Variants in GPC6 observed in about 807,000 individuals in gnomAD.
The protein encoded by GPC6 is glypican 6.
A neutral mutation model predicts 55.2 loss-of-function variants in GPC6; 14 were observed. That is an observed-to-expected ratio of 0.25 (90% CI 0.17 to 0.40). The LOEUF (loss-of-function observed/expected upper bound fraction) is 0.40. Among genes scored for constraint, GPC6 ranks in the 10% least tolerant of loss-of-function variants. The pLI is 1.00. For synonymous variants in GPC6, 278 were observed against 259.6 expected (o/e 1.07, Z -0.68); for missense variants, 641 against 708.5 (o/e 0.90, Z 1.08).
intron 4 of GPC6, among the ~76,000 whole-genome samples, chr13:94,104,822 C>T (rs941884543): frequency 3.9e-5 from 6 of 152,094 alleles, no homozygotes; most frequent in African/African-American, 1.4e-4. Flanking sequence ...AAAGAGGACA[C>T]AAACAAATGG....
At chr13:93,587,140 A>G (rs974126834) in intron 2 of GPC6, among the ~76,000 whole-genome samples, 21 of 152,136 alleles carry the variant, frequency 1.4e-4, no homozygotes, top group African/African-American at 5.1e-4. Flanking sequence ...GCAAGTCACT[A>G]TCCTCTCTGG....
intron 2 of GPC6, among the ~76,000 whole-genome samples, chr13:93,637,495 C>A (rs1381330834): frequency 3.3e-5 from 5 of 152,066 alleles, no homozygotes; most frequent in African/African-American, 1.2e-4. Flanking sequence ...CTTTTCTTTT[C>A]TTTTATACTT....
intron 4 of GPC6, among the ~76,000 whole-genome samples, chr13:94,142,427 AC>A (rs1887412822): frequency 6.6e-6 from 1 of 152,160 alleles, no homozygotes; most frequent in African/African-American, 2.4e-5. Flanking sequence ...GTTCTAGTAA[AC>A]CTTTTGGAGG....
chr13:94,232,908 C>T (rs568610310), intron 4 of GPC6, among the ~76,000 whole-genome samples: 1 of 150,242 alleles, frequency 6.7e-6, no homozygotes, highest in Non-Finnish European at 1.5e-5. Context: ...GAATGTGTAA[C>T]CAGGTAATGT....
chr13:93,866,636 C>T (rs1594538166), intron 3 of GPC6, among the ~76,000 whole-genome samples: 1 of 151,712 alleles, frequency 6.6e-6, no homozygotes, highest in African/African-American at 2.4e-5. Flanking sequence ...CCAAATAGTG[C>T]ATGTTCTCAC....
chr13:93,815,856 A>G (rs540944161), intron 2 of GPC6, among the ~76,000 whole-genome samples: 2 of 152,172 alleles, frequency 1.3e-5, no homozygotes, highest in East Asian at 3.9e-4. Context: ...TTTCCTGTTG[A>G]TAGATTTAAA....
intron 4 of GPC6, among the ~76,000 whole-genome samples, chr13:94,100,226 A>G (rs565472346): frequency 1.3e-5 from 2 of 152,342 alleles, no homozygotes; most frequent in East Asian, 3.9e-4. Flanking sequence ...ACATAAATGA[A>G]GAAGAAAGCT....
intron 4 of GPC6, among the ~76,000 whole-genome samples, chr13:94,103,519 C>T (rs1285643889): frequency 2.0e-5 from 3 of 152,154 alleles, no homozygotes; most frequent in Non-Finnish European, 4.4e-5. Flanking sequence ...TAAAAGTGTT[C>T]CTATTTCTCC....
At chr13:94,047,809 T>A (rs1883784284) in intron 4 of GPC6, among the ~76,000 whole-genome samples, 2 of 152,128 alleles carry the variant, frequency 1.3e-5, no homozygotes, top group Admixed American at 1.3e-4. Context: ...CATTTCTTCA[T>A]TGAATTCTCA....
intron 2 of GPC6, among the ~76,000 whole-genome samples, chr13:93,678,168 A>C (rs567907939): frequency 6.6e-6 from 1 of 152,268 alleles, no homozygotes; most frequent in African/African-American, 2.4e-5. Context: ...CTGTTTTACA[A>C]GAAAAGATAC....
At chr13:94,347,660 A>C (rs1878357572) in intron 6 of GPC6, among the ~76,000 whole-genome samples, 1 of 152,248 alleles carries the variant, frequency 6.6e-6, no homozygotes, top group Non-Finnish European at 1.5e-5. Flanking sequence ...ATTGGAAGTA[A>C]GGTCTTTCCT....
intron 2 of GPC6, among the ~76,000 whole-genome samples, chr13:93,679,542 T>C (rs569332885): frequency 6.6e-6 from 1 of 152,322 alleles, no homozygotes; most frequent in African/African-American, 2.4e-5. Context: ...GGAATATCTC[T>C]AAAGGTCATC....
chr13:93,370,558 A>G (rs1881412005), intron 1 of GPC6, among the ~76,000 whole-genome samples: 1 of 152,120 alleles, frequency 6.6e-6, no homozygotes, highest in Non-Finnish European at 1.5e-5. Context: ...GCAAAGTCCC[A>G]GGGTCAGTTA....
At chr13:93,979,224 A>G (rs1170100979) in intron 3 of GPC6, among the ~76,000 whole-genome samples, 1 of 152,008 alleles carries the variant, frequency 6.6e-6, no homozygotes, top group African/African-American at 2.4e-5. Context: ...ATGTCTAAGT[A>G]TAAATAGCCA....
chr13:93,472,635 C>T (rs1879161149), intron 1 of GPC6, among the ~76,000 whole-genome samples: 1 of 152,194 alleles, frequency 6.6e-6, no homozygotes, highest in South Asian at 2.1e-4. Context: ...CCTGGTCTGG[C>T]ATGTGGAGCT....
At chr13:93,844,030 TG>T (rs1488488360) in intron 3 of GPC6, among the ~76,000 whole-genome samples, 1 of 152,220 alleles carries the variant, frequency 6.6e-6, no homozygotes, top group Non-Finnish European at 1.5e-5. Context: ...ATAGCATCTG[TG>T]GTTAAAGAAC....
intron 2 of GPC6, among the ~76,000 whole-genome samples, chr13:93,596,044 G>C (rs978068900): frequency 2.0e-5 from 3 of 152,112 alleles, no homozygotes; most frequent in African/African-American, 7.2e-5. Flanking sequence ...CCTATTAATT[G>C]AGGCTGCCAA....
Position 93,901,869 on chromosome 13 carries a change from C to G in GPC6, c.711+71324C>G, listed in dbSNP as rs1001260367. Among the ~76,000 whole-genome samples the G allele has an allele frequency of 9.4e-5, 14 of 148,414 alleles. No homozygotes were observed. The Admixed American group carries it at 9.5e-4, about 10-fold the overall frequency. On this transcript the variant is annotated intron_variant, in intron 3 of 8. Coordinates refer to ENST00000377047, the MANE Select transcript of GPC6 (RefSeq NM_005708.5). ...TGAGCTGAGATCACGCCACTGCACT[C>G]CATCCTGGGCCACAGAGTGAGATTC...
chr13:93,780,227 AAT>A (rs1252050446), intron 2 of GPC6, among the ~76,000 whole-genome samples: 1 of 152,170 alleles, frequency 6.6e-6, no homozygotes, highest in Non-Finnish European at 1.5e-5. Context: ...CCTATAATTA[AAT>A]ATGTGTATTA....
Sources: gnomAD v4.1 joint callset for allele counts (sites outside exome capture counted in the v4.1 genomes callset) on GRCh38, gnomAD v4.1.1 for gene constraint, MANE v1.5 for transcripts, NCBI Gene and HGNC (gene_info 2026-07-23, HGNC 2026-07-21) for gene names.